The following STRN variants were observed in gnomAD, a reference collection of about 807,000 sequenced individuals.
The protein encoded by STRN is striatin.
STRN carries 53 observed loss-of-function variants against 96.3 expected under a neutral mutation model. The observed-to-expected ratio is 0.55, with a 90% CI of 0.44 to 0.69. The LOEUF is 0.69. STRN is among the 30% of genes least tolerant of loss of function. The pLI is 0.00. For synonymous variants in STRN, 428 were observed against 355.9 expected, an observed-to-expected ratio of 1.20 and a Z score of -2.28; for missense variants, 987 against 963.9, an observed-to-expected ratio of 1.02 and a Z score of -0.32.
chr2:36,876,195 G>GGTGGGGGAGGATCATTTGAGCCCC (rs1558632951), intron 10 of STRN, among the ~76,000 whole-genome samples: 1 of 151,950 alleles, frequency 6.6e-6, no homozygotes, highest in African/African-American at 2.4e-5. Context: ...ATTTGAGCCC[G>GGTGGGGGAGGATCATTTGAGCCCC]GTGGGGCGGA....
At chr2:36,880,448 A>T (rs908711591) in intron 9 of STRN, among the ~76,000 whole-genome samples, 2 of 152,232 alleles carry the variant, frequency 1.3e-5, no homozygotes, top group Admixed American at 6.5e-5. Flanking sequence ...TTTAAAAAAA[A>T]TTTAAAAATA....
chr2:36,839,152 T>C lies in STRN; in HGVS notation c.*10304A>G, dbSNP rs1230026089. 6.6e-6 allele frequency among the ~76,000 whole-genome samples: 1 copy of C among 152,218 alleles called. No individual in the cohort carries two copies. The highest frequency in any genetic ancestry group is 1.5e-5 in the Non-Finnish European group (1 of 68,038). On this transcript the variant is annotated 3_prime_UTR_variant, in exon 18 of 18. Coordinates refer to ENST00000263918, the MANE Select transcript of STRN (RefSeq NM_003162.4). ...ACATGCTTCGTTTTGCCATTATGAA[T>C]CTTTATGCATTGTTTTTTGCATTTA...
intron 15 of STRN, among the ~76,000 whole-genome samples, chr2:36,853,071 C>T (rs939786792): frequency 5.3e-5 from 8 of 152,220 alleles, no homozygotes; most frequent in Admixed American, 2.0e-4. Flanking sequence ...GCAGGAGAAT[C>T]GCTTGAGCCC....
In STRN at chr2:36,845,925, ACACAC is replaced by A. The variant is rs1668061083; in HGVS notation, c.*3526_*3530del. ...CACACACGCATGCATGCACACACAC[ACACAC>A]ACACACACACACACACACACACTAA... On this transcript the variant is annotated 3_prime_UTR_variant, in exon 18 of 18. Transcript: ENST00000263918. 1.0e-5 allele frequency: 1 copy of A among 96,576 alleles called. No homozygotes were observed. Among genetic ancestry groups the A allele is most frequent in the Admixed American group, 1.0e-4 (1 of 9,696 alleles). 6.0% of individuals were successfully genotyped at this position (96,576 alleles called of 1,614,324 possible). A position where few individuals can be genotyped will look rare whatever the true frequency, so the allele number is the denominator to read the frequency against.
intron 1 of STRN, among the ~76,000 whole-genome samples, chr2:36,927,360 T>A (rs1419108364): frequency 6.6e-6 from 1 of 151,770 alleles, no homozygotes; most frequent in Non-Finnish European, 1.5e-5. Context: ...ATTTAAAAAA[T>A]CAGCCAGGCA....
intron 9 of STRN, among the ~76,000 whole-genome samples, chr2:36,879,211 C>T (rs549241836): frequency 6.6e-6 from 1 of 152,210 alleles, no homozygotes; most frequent in Admixed American, 6.5e-5. Context: ...GCTGGGATTA[C>T]AGGCGCCTGC....
At chr2:36,946,997 G>C (rs964487254) in intron 1 of STRN, among the ~76,000 whole-genome samples, 1 of 152,012 alleles carries the variant, frequency 6.6e-6, no homozygotes, top group African/African-American at 2.4e-5. Context: ...CCAGGTTCAA[G>C]TGATTCTCCT....
chr2:36,855,336 G>A lies in STRN; in HGVS notation c.1854C>T (p.Ala618=). ...FNDTKELGIP[A]SVDLVSSDPS... ...GGTCACTGCTCACTAGATCCACAGAGGCAGGGATTCCCAGTTCTGAAAGAG... is the reference window on the plus strand; with the variant it reads ...GGTCACTGCTCACTAGATCCACAGAAGCAGGGATTCCCAGTTCTGAAAGAG... The change falls in exon 15 of 18, where the codon GCC becomes GCT. Residue 618 remains alanine (A), a synonymous_variant. Coordinates refer to ENST00000263918, the MANE Select transcript of STRN (RefSeq NM_003162.4). 5.0e-6 allele frequency: 8 copies of A among 1,613,238 alleles called. No individual in the cohort carries two copies. The highest frequency in any genetic ancestry group is 5.1e-6 in the Non-Finnish European group (6 of 1,179,618).
At chr2:36,851,933 C>G (rs555850781) in intron 15 of STRN, among the ~76,000 whole-genome samples, 1 of 152,198 alleles carries the variant, frequency 6.6e-6, no homozygotes, top group East Asian at 1.9e-4. Flanking sequence ...AGTCAGCATC[C>G]TAACTGTATT....
At chr2:36,963,773 A>G (rs1268237940) in intron 1 of STRN, among the ~76,000 whole-genome samples, 1 of 152,114 alleles carries the variant, frequency 6.6e-6, no homozygotes, top group Non-Finnish European at 1.5e-5. Context: ...CCTGGCCAAC[A>G]TTGTGAAACC....
At chr2:36,883,505 C>G (rs1669133149) in intron 9 of STRN, among the ~76,000 whole-genome samples, 2 of 152,066 alleles carry the variant, frequency 1.3e-5, no homozygotes, top group Non-Finnish European at 2.9e-5. Flanking sequence ...TGAAAGGGAA[C>G]AAGTTAAAAT....
intron 12 of STRN, among the ~76,000 whole-genome samples, chr2:36,864,344 G>T (rs1668567573): frequency 6.6e-6 from 1 of 152,116 alleles, no homozygotes; most frequent in African/African-American, 2.4e-5. Context: ...TGCCTAGTTT[G>T]TTCAGGGTTT....
At chr2:36,951,887 C>T (rs1664762003) in intron 1 of STRN, among the ~76,000 whole-genome samples, 1 of 152,208 alleles carries the variant, frequency 6.6e-6, no homozygotes, top group African/African-American at 2.4e-5. Flanking sequence ...CCAGCATTAC[C>T]CGCTGAGCTC....
chr2:36,952,444 C>T (rs1433271014), intron 1 of STRN, among the ~76,000 whole-genome samples: 10 of 127,100 alleles, frequency 7.9e-5, no homozygotes, highest in African/African-American at 1.2e-4. Context: ...CCCTGAAGCA[C>T]GAGAGAAAAA....
At chr2:36,879,480 T>C (rs1417539295) in intron 9 of STRN, among the ~76,000 whole-genome samples, 1 of 152,242 alleles carries the variant, frequency 6.6e-6, no homozygotes, top group African/African-American at 2.4e-5. Context: ...TTGTAACATT[T>C]TGAACATAAC....
chr2:36,914,846 C>G (rs1558650924), intron 3 of STRN, among the ~76,000 whole-genome samples: 4 of 152,046 alleles, frequency 2.6e-5, no homozygotes, highest in Admixed American at 2.0e-4. Context: ...TATGTAAAAT[C>G]CAAATAAATA....
intron 1 of STRN, among the ~76,000 whole-genome samples, chr2:36,949,084 ACGTT>A (rs1242951296): frequency 6.6e-6 from 1 of 152,190 alleles, no homozygotes; most frequent in Non-Finnish European, 1.5e-5. Flanking sequence ...TACCTTCTCT[ACGTT>A]TATGGCTTGG....
At chr2:36,851,576 T>C (rs1668224196) in intron 15 of STRN, among the ~76,000 whole-genome samples, 1 of 152,214 alleles carries the variant, frequency 6.6e-6, no homozygotes, top group Admixed American at 6.5e-5. Flanking sequence ...TTTCAAAATT[T>C]CAATGTTAGG....
chr2:36,850,903 G>A, intron 16 of STRN, 97 bp downstream of exon 16: 2 of 889,338 alleles, frequency 2.2e-6, no homozygotes, highest in Non-Finnish European at 3.4e-6. Context: ...CCTATTCCCT[G>A]ACTACGAAAC....
Sources: allele counts gnomAD v4.1 joint callset (sites outside exome capture counted in the v4.1 genomes callset), GRCh38; gene constraint gnomAD v4.1.1; transcripts MANE v1.5; gene names NCBI Gene and HGNC (gene_info 2026-07-23, HGNC 2026-07-21).